SLC2A14: variants seen among roughly 807,000 people sequenced by gnomAD.
SLC2A14 encodes solute carrier family 2 member 14.
Under a neutral mutation model 43.0 loss-of-function variants are expected in SLC2A14, and 13 were observed. The ratio of observed to expected loss-of-function variants is 0.30; its 90% CI spans 0.20 to 0.48. The LOEUF (loss-of-function observed/expected upper bound fraction) is 0.48, where lower values mean the gene tolerates loss of function less well. Ranked by LOEUF, SLC2A14 falls within the 20% of genes least tolerant of loss-of-function variation. The pLI is 0.99. For synonymous variants in SLC2A14, 190 were observed against 233.8 expected, an observed-to-expected ratio of 0.81 and a Z score of 1.71; for missense variants, 428 against 620.4, an observed-to-expected ratio of 0.69 and a Z score of 3.29.
At chr12:7,886,301 A>G (rs1592337298) in intron 1 of SLC2A14, among the ~76,000 whole-genome samples, 1 of 151,052 alleles carries the variant, frequency 6.6e-6, no homozygotes, top group Admixed American at 6.6e-5. Context: ...AGCTGGGACC[A>G]CAGGCATGTG....
chr12:7,846,713 C>A (rs1866495633), intron 2 of SLC2A14, among the ~76,000 whole-genome samples: 1 of 146,752 alleles, frequency 6.8e-6, no homozygotes, highest in Non-Finnish European at 1.5e-5. Context: ...CTCACTCCAA[C>A]CTCTGCCTCC....
Position 7,817,815 on chromosome 12 carries a change from A to C in SLC2A14, c.1275+16T>G. ...AGATAGATACATAGATACATAGATA[A>C]GGTGAGTTTACTTACAGCAGCAGAG... On this transcript the variant is annotated intron_variant, in intron 10 of 10. Transcript: ENST00000431042. 3 of 1,595,092 alleles carry C rather than the reference A, an allele frequency of 1.9e-6. No individual in the cohort carries two copies. Among genetic ancestry groups the C allele is most frequent in the Non-Finnish European group, 8.6e-7 (1 of 1,169,258 alleles).
chr12:7,888,439 G>A (rs1209209181), intron 1 of SLC2A14, among the ~76,000 whole-genome samples: 2 of 152,102 alleles, frequency 1.3e-5, no homozygotes, highest in African/African-American at 4.8e-5. Context: ...AAAGCAATAC[G>A]ATTACAAGAA....
chr12:7,870,084 T>A, intron 1 of SLC2A14, 147 bp from the exon 2 acceptor site: 1 of 526,354 alleles, frequency 1.9e-6, no homozygotes, highest in South Asian at 3.2e-5. Context: ...TCTATTGATG[T>A]TTTAGATTAA....
chr12:7,855,859 T>C (rs192272594), intron 2 of SLC2A14, among the ~76,000 whole-genome samples: 1 of 151,828 alleles, frequency 6.6e-6, no homozygotes, highest in East Asian at 1.9e-4. Flanking sequence ...ATGGTCTTGA[T>C]CTCCTGACCT....
At chr12:7,869,144 C>CAAA (rs1029431395) in intron 2 of SLC2A14, among the ~76,000 whole-genome samples, 6 of 117,196 alleles carry the variant, frequency 5.1e-5, no homozygotes, top group African/African-American at 1.6e-4. Flanking sequence ...AACTCCATCT[C>CAAA]AAAAAAAAAA....
chr12:7,868,063 C>T (rs891717833), intron 2 of SLC2A14, among the ~76,000 whole-genome samples: 6 of 152,078 alleles, frequency 3.9e-5, no homozygotes, highest in African/African-American at 7.2e-5. Flanking sequence ...AGAACTCCTT[C>T]GTGAAAATAA....
chr12:7,827,440 G>A (rs1045549625), intron 7 of SLC2A14, 55 bp downstream of exon 7: 21 of 1,577,464 alleles, frequency 1.3e-5, no homozygotes, highest in African/African-American at 6.8e-5. Context: ...CACCATGCCT[G>A]GCATTTTAAG....
Position 7,890,246 on chromosome 12 carries a change from C to T in SLC2A14, c.132+750G>A, listed in dbSNP as rs137903518. On this transcript the variant is annotated intron_variant, in intron 1 of 9. Coordinates refer to the SLC2A14 transcript ENST00000539924. ...AATCTGCTCACTAAGTGTTAGTTGC[C>T]GTGTTCTCTGCCACAACTCCCTCCT... Among the ~76,000 whole-genome samples the T allele has an allele frequency of 1.7e-3, 261 of 152,076 alleles. 1 individual carries two copies. Among genetic ancestry groups the T allele is most frequent in the African/African-American group, 6.0e-3 (248 of 41,476 alleles).
At chr12:7,886,762 T>C (rs901702729) in intron 1 of SLC2A14, among the ~76,000 whole-genome samples, 10 of 152,096 alleles carry the variant, frequency 6.6e-5, no homozygotes, top group African/African-American at 2.4e-4. Flanking sequence ...CCTAAGGCAA[T>C]GACCACTGTT....
chr12:7,834,961 G>C (rs2120811009), intron 2 of SLC2A14, among the ~76,000 whole-genome samples: 1 of 152,220 alleles, frequency 6.6e-6, no homozygotes, highest in Admixed American at 6.5e-5. Context: ...TTTGGGAGGA[G>C]CCTGGCTCAG....
intron 3 of SLC2A14, among the ~76,000 whole-genome samples, chr12:7,832,226 C>T (rs1432886324): frequency 6.6e-6 from 1 of 152,186 alleles, no homozygotes; most frequent in African/African-American, 2.4e-5. Context: ...TTAACTCTCC[C>T]TGGAATAGTA....
chr12:7,837,605 T>G (rs1218215828), intron 2 of SLC2A14, among the ~76,000 whole-genome samples: 1 of 107,030 alleles, frequency 9.3e-6, no homozygotes, highest in African/African-American at 3.8e-5. Flanking sequence ...ACCATTGCAC[T>G]CCAACTTGGG....
chr12:7,844,417 C>T (rs1047967538), intron 2 of SLC2A14, among the ~76,000 whole-genome samples: 14 of 152,174 alleles, frequency 9.2e-5, no homozygotes, highest in Admixed American at 6.5e-4. Flanking sequence ...GTTTCCAGTT[C>T]GAGCTATTAT....
Position 7,826,861 on chromosome 12 carries a change from T to TTCCTTCCTTCC in SLC2A14, c.864+633_864+634insGGAAGGAAGGA, listed in dbSNP as rs1555121671. 6.3e-4 allele frequency among the ~76,000 whole-genome samples: 38 copies of TTCCTTCCTTCC among 60,326 alleles called. 5 individuals carry two copies. The highest frequency in any genetic ancestry group is 1.4e-3 in the African/African-American group (18 of 12,642). The allele number at this position is 60,326 out of a possible 152,430, so 39.6% of individuals were successfully genotyped here. A position where few individuals can be genotyped will look rare whatever the true frequency, so the allele number is the denominator to read the frequency against. On this transcript the variant is annotated intron_variant, in intron 7 of 10. Coordinates refer to ENST00000431042, the MANE Select transcript of SLC2A14 (RefSeq NM_001286234.2). ...TCCTTCCTTCCTTCCTTCCTTTCTT[T>TTCCTTCCTTCC]TTTCTTTCTTTCTTTCTTTCTTTCT...
intron 8 of SLC2A14, 126 bp downstream of exon 8, chr12:7,821,095 T>TA: frequency 1.4e-6 from 1 of 709,394 alleles, no homozygotes; most frequent in Non-Finnish European, 2.2e-6. Flanking sequence ...TCAAAAAATT[T>TA]AAAAAAATAA....
chr12:7,882,575 G>T (rs1471974182), intron 1 of SLC2A14, among the ~76,000 whole-genome samples: 2 of 152,088 alleles, frequency 1.3e-5, no homozygotes, highest in East Asian at 1.9e-4. Context: ...GCTCACACTT[G>T]TGATCTCAGC....
chr12:7,884,114 G>A (rs891029647), intron 1 of SLC2A14, among the ~76,000 whole-genome samples: 5 of 151,200 alleles, frequency 3.3e-5, no homozygotes, highest in Middle Eastern at 3.2e-3. Flanking sequence ...TAGTAGAAAC[G>A]GGGTTTCACC....
chr12:7,826,823 TTC>T (rs1388931229), intron 7 of SLC2A14, among the ~76,000 whole-genome samples: 6 of 57,256 alleles, frequency 1.0e-4, no homozygotes, highest in Middle Eastern at 7.6e-3. Flanking sequence ...TCTTTTTTCT[TTC>T]TTTCTTTCTT....
Sources: gnomAD v4.1 joint callset for allele counts (sites outside exome capture counted in the v4.1 genomes callset) on GRCh38, gnomAD v4.1.1 for gene constraint, MANE v1.5 for transcripts, NCBI Gene and HGNC (gene_info 2026-07-23, HGNC 2026-07-21) for gene names.